Variants in ZFHX3 observed in about 807,000 individuals in gnomAD.
ZFHX3 encodes the protein zinc finger homeobox protein 3.
A neutral mutation model predicts 279.1 loss-of-function variants in ZFHX3; 42 were observed. The observed-to-expected ratio is 0.15, with a 90% CI of 0.12 to 0.19. The LOEUF (loss-of-function observed/expected upper bound fraction) is 0.19, where lower values mean the gene tolerates loss of function less well. ZFHX3 is among the 10% of genes least tolerant of loss of function. The probability of loss-of-function intolerance (pLI) is 1.00; values close to 1 mark genes in which losing one functional copy is unlikely to be tolerated. For synonymous variants in ZFHX3, 2,293 were observed against 1,957.8 expected (o/e 1.17, Z -4.52); for missense variants, 4,981 against 4,754.0 (o/e 1.05, Z -1.40).
chr16:73,504,000 G>A (rs1361129274), intron 2 of ZFHX3, among the ~76,000 whole-genome samples: 8 of 152,110 alleles, frequency 5.3e-5, no homozygotes, highest in South Asian at 2.1e-4. Context: ...GGTGGAAAAG[G>A]GGCATAAATG....
intron 4 of ZFHX3, among the ~76,000 whole-genome samples, chr16:73,316,238 T>G (rs1339432880): frequency 6.6e-6 from 1 of 152,298 alleles, no homozygotes; most frequent in Admixed American, 6.5e-5. Flanking sequence ...TGAAGGTCAT[T>G]GAGGAAAACC....
intron 1 of ZFHX3, among the ~76,000 whole-genome samples, chr16:73,773,483 G>T (rs146785327): frequency 6.6e-6 from 1 of 152,206 alleles, no homozygotes; most frequent in East Asian, 1.9e-4. Flanking sequence ...TCCTGTCTCT[G>T]GGGATAAGCA....
chr16:73,447,270 A>T (rs2018204519), intron 3 of ZFHX3, among the ~76,000 whole-genome samples: 1 of 152,104 alleles, frequency 6.6e-6, no homozygotes, highest in Non-Finnish European at 1.5e-5. Flanking sequence ...AATCAGGAAA[A>T]CACCAGCAAC....
intron 3 of ZFHX3, among the ~76,000 whole-genome samples, chr16:73,395,184 G>T (rs557302872): frequency 6.6e-6 from 1 of 152,334 alleles, no homozygotes; most frequent in Admixed American, 6.5e-5. Context: ...GATCATCTGG[G>T]CTGAGCACAG....
intron 1 of ZFHX3, among the ~76,000 whole-genome samples, chr16:73,807,796 C>T (rs540535058): frequency 6.7e-6 from 1 of 149,690 alleles, no homozygotes; most frequent in African/African-American, 2.5e-5. Context: ...TAAGAAAAGA[C>T]ATCCCACCTA....
At chr16:73,537,817 G>A (rs1292001102) in intron 2 of ZFHX3, among the ~76,000 whole-genome samples, 1 of 152,222 alleles carries the variant, frequency 6.6e-6, no homozygotes, top group Non-Finnish European at 1.5e-5. Context: ...GACATGTGGT[G>A]AAGGGACAAA....
intron 4 of ZFHX3, 87 bp downstream of exon 4, chr16:72,889,644 C>G (rs923612705): frequency 9.4e-6 from 12 of 1,281,826 alleles, no homozygotes; most frequent in Non-Finnish European, 1.3e-5. Context: ...TCAGTAACGT[C>G]TCCCTCAAAC....
intron 1 of ZFHX3, among the ~76,000 whole-genome samples, chr16:73,884,172 C>A (rs1338040456): frequency 4.6e-5 from 7 of 152,048 alleles, no homozygotes; most frequent in Non-Finnish European, 8.8e-5. Context: ...GATTATTTTT[C>A]TCATTGTGTA....
chr16:73,730,031 G>C (rs534607250), intron 1 of ZFHX3, among the ~76,000 whole-genome samples: 1 of 152,138 alleles, frequency 6.6e-6, no homozygotes, highest in South Asian at 2.1e-4. Flanking sequence ...AAGACAATCA[G>C]ACAAACATGG....
At chr16:72,997,510 C>T (rs956404275) in intron 1 of ZFHX3, among the ~76,000 whole-genome samples, 1 of 152,178 alleles carries the variant, frequency 6.6e-6, no homozygotes, top group African/African-American at 2.4e-5. Flanking sequence ...CATCTGTCTC[C>T]TCACTTTCCA....
chr16:73,517,069 C>CA (rs397854935), intron 2 of ZFHX3, among the ~76,000 whole-genome samples: 11 of 152,136 alleles, frequency 7.2e-5, no homozygotes, highest in African/African-American at 2.4e-4. Flanking sequence ...TTCATCCCCC[C>CA]ATAACAAATC....
At chr16:73,546,658 T>G (rs891801696) in intron 2 of ZFHX3, among the ~76,000 whole-genome samples, 3 of 148,544 alleles carry the variant, frequency 2.0e-5, no homozygotes, top group Non-Finnish European at 4.5e-5. Flanking sequence ...AGAAAAAGCT[T>G]TGGGTGCTGC....
intron 5 of ZFHX3, among the ~76,000 whole-genome samples, chr16:72,818,198 T>A (rs2036671115): frequency 6.6e-6 from 1 of 152,194 alleles, no homozygotes; most frequent in African/African-American, 2.4e-5. Context: ...TAATTATAAT[T>A]AAATGGAAGG....
chr16:72,853,095 C>A (rs915918945), intron 4 of ZFHX3, among the ~76,000 whole-genome samples: 1 of 152,204 alleles, frequency 6.6e-6, no homozygotes, highest in African/African-American at 2.4e-5. Flanking sequence ...GTTTGCTCAC[C>A]TGAGGGATGA....
rs566725487 is a variant in ZFHX3 at position 73,073,750 on chromosome 16, C to T, written c.-532-14738G>A. Among the ~76,000 whole-genome samples, 120 of 152,308 alleles carry T rather than the reference C, an allele frequency of 7.9e-4. 1 individual carries two copies. Among genetic ancestry groups the T allele is most frequent in the Admixed American group, 7.6e-3 (117 of 15,300 alleles). ...CCAACCTCAACTGATCCACCAGCCT[C>T]GGCCTCCCAAAGTGCTGGGATTACA... On this transcript the variant is annotated intron_variant, in intron 8 of 17. Coordinates refer to the ZFHX3 transcript ENST00000641206.
In ZFHX3 at chr16:72,794,123, T is replaced by A. The variant is rs756575080; in HGVS notation, c.8559A>T (p.Ala2853=). 38 of 1,614,146 alleles carry A rather than the reference T, an allele frequency of 2.4e-5. No individual in the cohort carries two copies. The highest frequency in any genetic ancestry group is 3.2e-5 in the Non-Finnish European group (38 of 1,180,052). The change falls in exon 9 of 10, where the codon GCA becomes GCT. Residue 2853 remains alanine (A), a synonymous_variant. Transcript: ENST00000268489. This position sits in a 1 kb window ranked among gnomAD's most constrained non-coding sequence, Gnocchi z 4.2. ...TDTTTGDEGN[A]DNDSATGIAT... is the part of the protein sequence containing the mutation. The stretch of plus-strand genomic sequence containing the variant: ...CTATTCCCGTTGCACTGTCGTTATC[T>A]GCGTTGCCCTCGTCTCCAGTTGTGG...
intron 2 of ZFHX3, among the ~76,000 whole-genome samples, chr16:73,493,169 T>G (rs1018032259): frequency 2.0e-5 from 3 of 152,178 alleles, no homozygotes; most frequent in Non-Finnish European, 4.4e-5. Flanking sequence ...TCACCTATTT[T>G]TTGCAGCTGG....
intron 1 of ZFHX3, among the ~76,000 whole-genome samples, chr16:73,856,719 T>C (rs947630064): frequency 1.3e-5 from 2 of 152,222 alleles, no homozygotes; most frequent in Admixed American, 6.5e-5. Flanking sequence ...TAATCAGGAA[T>C]GTTCCCACCC....
chr16:73,445,251 T>C, intron 3 of ZFHX3, among the ~76,000 whole-genome samples: 1 of 149,580 alleles, frequency 6.7e-6, no homozygotes, highest in South Asian at 2.2e-4. Context: ...TACATATGTG[T>C]ATATGTGTGT....
Sources: gnomAD v4.1 joint callset for allele counts (sites outside exome capture counted in the v4.1 genomes callset) on GRCh38, gnomAD v4.1.1 for gene constraint, Gnocchi (gnomAD v3.1) non-coding constraint, MANE v1.5 for transcripts, NCBI Gene and HGNC (gene_info 2026-07-23, HGNC 2026-07-21) for gene names.